Variants in KLK10 observed in about 807,000 individuals in gnomAD.
KLK10 encodes the protein kallikrein related peptidase 10, also known as kallikrein-10.
In KLK10, 27 loss-of-function variants were observed where a neutral mutation model predicts 25.7. The ratio of observed to expected loss-of-function variants is 1.05; its 90% CI spans 0.77 to 1.45. The LOEUF (loss-of-function observed/expected upper bound fraction) is 1.45, where lower values mean the gene tolerates loss of function less well. KLK10 is among the 40% of genes most tolerant of loss of function. The pLI, the probability that KLK10 is intolerant of heterozygous loss-of-function variation, is 0.00. For synonymous variants in KLK10, 173 were observed against 160.1 expected (o/e 1.08, Z -0.61); for missense variants, 386 against 370.0 (o/e 1.04, Z -0.35).
chr19:51,018,493 G>C (rs914621431), intron 2 of KLK10: 3 of 155,936 alleles, frequency 1.9e-5, no homozygotes, highest in Non-Finnish European at 4.3e-5. Flanking sequence ...GAGGCAGGCG[G>C]ATCACGAGGC....
chr19:51,017,227 G>C lies in KLK10; in HGVS notation c.152C>G (p.Pro51Arg), dbSNP rs765097088. Residue 51 changes from proline (P) to arginine (R), a missense_variant, in exon 3 of 6, where the codon CCG (proline) becomes CGG (arginine). By Grantham distance (103) the Pro-to-Arg change is moderately radical. Coordinates refer to ENST00000358789, the MANE Select transcript of KLK10 (RefSeq NM_145888.3). ...CCAGGGCTGCGAGCCGCGCGCGCAC[G>C]GGGAGCCATAGGCTTCGGGGTCCAA... is the stretch of plus-strand genomic sequence containing the variant. ...TRLDPEAYGS[P>R]CARGSQPWQV... is the part of the protein sequence containing the mutation. 39 of 1,612,420 alleles carry C rather than the reference G, an allele frequency of 2.4e-5. No homozygotes were observed. Among genetic ancestry groups the C allele is most frequent in the Middle Eastern group, 3.5e-4 (2 of 5,774 alleles).
In KLK10 at chr19:51,014,335, AC is replaced by A. The variant is rs58373036; in HGVS notation, c.*464del. 60,173 of 161,368 alleles carry A rather than the reference AC, an allele frequency of 0.37. 11,885 individuals are homozygous for A. The highest frequency in any genetic ancestry group is 0.49 in the African/African-American group (20,520 of 41,576). The allele number at this position is 161,368 out of a possible 1,614,324, so 10.0% of individuals were successfully genotyped here. ...CTGTGTTAAGCCTTACATGACAATCACCATGAAGATTTACATACACATGTTA... is the reference window on the plus strand; with the variant it reads ...CTGTGTTAAGCCTTACATGACAATCACATGAAGATTTACATACACATGTTA... On this transcript the variant is annotated 3_prime_UTR_variant, in exon 6 of 6. Transcript: ENST00000358789.
Position 51,014,698 on chromosome 19 carries a change from G to T in KLK10, c.*102C>A. 4.1e-6 allele frequency: 5 copies of T among 1,220,156 alleles called. No individual in the cohort carries two copies. Among genetic ancestry groups the T allele is most frequent in the Middle Eastern group, 2.2e-4 (1 of 4,512 alleles). 75.6% of individuals were successfully genotyped at this position (1,220,156 alleles called of 1,614,324 possible). ...GGTTTGAACAGTGCAGACAAGGGGA[G>T]AGTTCAGCCGACTGGGGAGGAAGAG... On this transcript the variant is annotated 3_prime_UTR_variant, in exon 6 of 6. Transcript: ENST00000358789.
rs967288020 is a variant in KLK10 at position 51,019,204 on chromosome 19, G to A, written c.-9-65C>T. 19 of 1,173,700 alleles carry A rather than the reference G, an allele frequency of 1.6e-5. No homozygotes were observed. In the East Asian group the frequency reaches 4.5e-4, roughly 28 times the overall value. The allele number at this position is 1,173,700 out of a possible 1,614,324, so 72.7% of individuals were successfully genotyped here. On this transcript the variant is annotated intron_variant, in intron 1 of 5. Transcript: ENST00000358789. The surrounding 1 kb of genome is among the most constrained non-coding windows in gnomAD (Gnocchi z 4.2). ...CCGTTAGAGACCCCCACCTCGCCGCGCTCATCCGCCCAGCCTGGGCCACCC... is the reference window on the plus strand; with the variant it reads ...CCGTTAGAGACCCCCACCTCGCCGCACTCATCCGCCCAGCCTGGGCCACCC...
At chr19:51,018,000 CAAAAAAAAAA>C (rs1162503837) in intron 2 of KLK10, among the ~76,000 whole-genome samples, 2 of 28,118 alleles carry the variant, frequency 7.1e-5, no homozygotes, top group Non-Finnish European at 1.2e-4. Flanking sequence ...GACCCTGTCT[CAAAAAAAAAA>C]AAAAAAAAAA....
Position 51,019,320 on chromosome 19 carries a change from T to C in KLK10, c.-9-181A>G, listed in dbSNP as rs982702334. Among the ~76,000 whole-genome samples, 3 of 152,092 alleles carry C rather than the reference T, an allele frequency of 2.0e-5. No homozygotes were observed. Among genetic ancestry groups the C allele is most frequent in the Non-Finnish European group, 4.4e-5 (3 of 68,012 alleles). ...GCTGGAACAGCGGTAATGGGCACAA[T>C]TACCCTAATGACGCCCCTCGCGGCA... On this transcript the variant is annotated intron_variant, in intron 1 of 5. Transcript: ENST00000358789. The surrounding 1 kb of genome is among the most constrained non-coding windows in gnomAD (Gnocchi z 4.2).
At chr19:51,018,963 G>T in intron 2 of KLK10, 80 bp downstream of exon 2, 1 of 1,060,100 alleles carries the variant, frequency 9.4e-7, no homozygotes, top group Non-Finnish European at 1.4e-6. Flanking sequence ...AGGTGCGCGG[G>T]GCTTGGTGAC....
At chr19:51,016,450 A>G (rs1450581640) in intron 3 of KLK10, among the ~76,000 whole-genome samples, 1 of 151,828 alleles carries the variant, frequency 6.6e-6, no homozygotes, top group Non-Finnish European at 1.5e-5. Context: ...CTAGAATGCA[A>G]TGGCGCAATC....
rs192618645 is a variant in KLK10 at position 51,016,234 on chromosome 19, G to A, written c.270-78C>T. The A allele has an allele frequency of 4.5e-4, 643 of 1,436,618 alleles. 3 individuals carry two copies. In the African/African-American group the frequency reaches 8.2e-3, roughly 18 times the overall value. 89.0% of individuals were successfully genotyped at this position (1,436,618 alleles called of 1,614,324 possible). A position where few individuals can be genotyped will look rare whatever the true frequency, so the allele number is the denominator to read the frequency against. Reference sequence around the variant, plus strand: ...GCAGGTGGGCAGTGACGCAGGGCCTGGAGATAGGAAGAGTCTGAGGGAAGA... The same window carrying A: ...GCAGGTGGGCAGTGACGCAGGGCCTAGAGATAGGAAGAGTCTGAGGGAAGA... On this transcript the variant is annotated intron_variant, in intron 3 of 5. Coordinates refer to ENST00000358789, the MANE Select transcript of KLK10 (RefSeq NM_145888.3).
chr19:51,015,668 G>T (rs909055646), intron 4 of KLK10, 118 bp from the exon 5 acceptor site: 2 of 1,276,026 alleles, frequency 1.6e-6, no homozygotes, highest in South Asian at 2.7e-5. Context: ...TCAGACTCAA[G>T]AATCCTGGCC....
intron 2 of KLK10, among the ~76,000 whole-genome samples, chr19:51,017,736 C>A (rs1385147927): frequency 6.6e-6 from 1 of 151,940 alleles, no homozygotes; most frequent in Non-Finnish European, 1.5e-5. Context: ...GTAATCCCAG[C>A]ACTTTGGGAA....
At chr19:51,017,391 C>A in intron 2 of KLK10, 101 bp from the exon 3 acceptor site, 1 of 1,106,460 alleles carries the variant, frequency 9.0e-7, no homozygotes, top group Non-Finnish European at 1.3e-6. Flanking sequence ...GGACGGGGGA[C>A]GCAGCCAGAA....
rs35154267 is a variant in KLK10 at position 51,018,164 on chromosome 19, C to CAAAAAAAAAAAA, written c.88+867_89-875dup. On this transcript the variant is annotated intron_variant, in intron 2 of 5. Transcript: ENST00000358789. ...ACGGAGACAGAGCACTGCCCTGTCTCAAAAAAAAAAAAAAAAAAAAAAGAA... is the reference window on the plus strand; with the variant it reads ...ACGGAGACAGAGCACTGCCCTGTCTCAAAAAAAAAAAAAAAAAAAAAAAAAAAAAAAAAAGAA... Among the ~76,000 whole-genome samples the CAAAAAAAAAAAA allele has an allele frequency of 8.3e-3, 301 of 36,454 alleles. 15 individuals carry two copies. The highest frequency in any genetic ancestry group is 0.013 in the African/African-American group (96 of 7,252). 23.9% of individuals were successfully genotyped at this position (36,454 alleles called of 152,430 possible).
chr19:51,015,986 A>G lies in KLK10; in HGVS notation c.440T>C (p.Val147Ala). ...DLMLLKLARP[V>A]VLGPRVRALQ... ...GGCCCGGACGCGGGGCCCCAGCACTACGGGCCTGGCCAGCTTCAGCAACAT... is the reference window on the plus strand; with the variant it reads ...GGCCCGGACGCGGGGCCCCAGCACTGCGGGCCTGGCCAGCTTCAGCAACAT... The change falls in exon 4 of 6, where the codon GTA (valine) becomes GCA (alanine). Residue 147 changes from valine to alanine, a missense_variant. By Grantham distance (64) the Val-to-Ala change is moderately conservative. Transcript: ENST00000358789. 6.4e-7 allele frequency: 1 copy of G among 1,572,572 alleles called. No homozygotes were observed. The highest frequency in any genetic ancestry group is 8.6e-7 in the Non-Finnish European group (1 of 1,159,124).
rs1365707931 is a variant in KLK10, at chr19:51,015,921, A to T, written c.505T>A (p.Cys169Ser). 1.9e-6 allele frequency: 3 copies of T among 1,582,932 alleles called. No homozygotes were observed. The highest frequency in any genetic ancestry group is 2.6e-6 in the Non-Finnish European group (3 of 1,166,946). The change falls in exon 4 of 6, where the codon TGC (cysteine) becomes AGC (serine). Residue 169 changes from cysteine (C) to serine (S), a missense_variant. By Grantham distance (112) the Cys-to-Ser change is moderately radical. Coordinates refer to ENST00000358789, the MANE Select transcript of KLK10 (RefSeq NM_145888.3). ...GTGGTGCCCCAGCCAGCAACCTGGC[A>T]CTGGTCTCCGGGCTGAGCACAGCGG... ...PYRCAQPGDQ[C>S]QVAGWGTTAA... is the part of the protein sequence containing the mutation.
Position 51,015,437 on chromosome 19 carries a change from G to T in KLK10, c.658C>A (p.Arg220=), listed in dbSNP as rs762681073. The T allele has an allele frequency of 6.2e-7, 1 of 1,613,484 alleles. No homozygotes were observed. Among genetic ancestry groups the T allele is most frequent in the Non-Finnish European group, 8.5e-7 (1 of 1,179,792 alleles). Residue 220 remains arginine, a synonymous_variant, in exon 5 of 6, where the codon CGG becomes AGG. Transcript: ENST00000358789. ...CCTACCTGGCAAGGGTCCTGGCCCC[G>T]GTCCAGTCCAGCACATATCATGTTG... ...TNNMICAGLD[R]GQDPCQSDSG...
rs760213349 is a variant in KLK10, at chr19:51,019,156, A to C, written c.-9-17T>G. ...GGCCAGGATCTGCTGGGGTGTGTGC[A>C]GGGGCGGGTTAAAACAGATGCTCCG... On this transcript the variant is annotated splice_polypyrimidine_tract_variant and intron_variant, in intron 1 of 5. Coordinates refer to ENST00000358789, the MANE Select transcript of KLK10 (RefSeq NM_145888.3). This position sits in a 1 kb window ranked among gnomAD's most constrained non-coding sequence, Gnocchi z 4.2. 2 of 1,577,418 alleles carry C rather than the reference A, an allele frequency of 1.3e-6. No homozygotes were observed. The highest frequency in any genetic ancestry group is 1.1e-5 in the South Asian group (1 of 88,724).
Position 51,016,145 on chromosome 19 carries a change from G to A in KLK10, c.281C>T (p.Ala94Val), listed in dbSNP as rs780839595. The change falls in exon 4 of 6, where the codon GCT (alanine) becomes GTT (valine). Residue 94 changes from alanine (A) to valine (V), a missense_variant. Ala to Val is a moderately conservative substitution (Grantham distance 64, BLOSUM62 0). Coordinates refer to ENST00000358789, the MANE Select transcript of KLK10 (RefSeq NM_145888.3). ...AAHCGNKPLW[A>V]RVGDDHLLLL... ...CAGCAGGTGGTCATCCCCTACTCGA[G>A]CCCACAGTGGCCTGGGGGAAGGAAG... 6 of 1,582,210 alleles carry A rather than the reference G, an allele frequency of 3.8e-6. No homozygotes were observed. In the South Asian group the frequency reaches 6.9e-5, roughly 18 times the overall value.
At position 51,014,946 on chromosome 19, in the gene KLK10, A is replaced by G. The variant is rs2091303991; in HGVS notation, c.685T>C (p.Ser229Pro). The G allele has an allele frequency of 6.2e-7, 1 of 1,613,412 alleles. No individual in the cohort carries two copies. The highest frequency in any genetic ancestry group is 8.5e-7 in the Non-Finnish European group (1 of 1,179,852). The part of the protein sequence containing the change: ...DRGQDPCQSD[S>P]GGPLVCDETL... ...TCGTCACAGACCAGGGGGCCTCCAG[A>G]GTCACTCTGGGGGTGGCAGGAAGGA... is the stretch of plus-strand genomic sequence containing the variant. The change falls in exon 6 of 6, where the codon TCT becomes CCT. Residue 229 changes from serine (S) to proline (P), a missense_variant. Coordinates refer to ENST00000358789, the MANE Select transcript of KLK10 (RefSeq NM_145888.3).
Sources: gnomAD v4.1 joint callset for allele counts (sites outside exome capture counted in the v4.1 genomes callset) on GRCh38, gnomAD v4.1.1 for gene constraint, Gnocchi (gnomAD v3.1) non-coding constraint, MANE v1.5 for transcripts, NCBI Gene and HGNC (gene_info 2026-07-23, HGNC 2026-07-21) for gene names.